The following SLC28A1 variants were observed in gnomAD, a reference collection of about 807,000 sequenced individuals.
The protein encoded by SLC28A1 is sodium/nucleoside cotransporter 1.
SLC28A1 carries 64 observed loss-of-function variants against 74.8 expected under a neutral mutation model. That is an observed-to-expected ratio of 0.86 (90% CI 0.70 to 1.05). The LOEUF (loss-of-function observed/expected upper bound fraction) is 1.05. Ranked by LOEUF, SLC28A1 falls within the 50% of genes least tolerant of loss-of-function variation. The pLI is 0.00. For synonymous variants in SLC28A1, 359 were observed against 335.0 expected, an observed-to-expected ratio of 1.07 and a Z score of -0.78; for missense variants, 828 against 822.8, an observed-to-expected ratio of 1.01 and a Z score of -0.08.
chr15:84,973,392 G>A, the SLC28A1 span, among the ~76,000 whole-genome samples: 69 of 152,176 alleles, frequency 4.5e-4, no homozygotes, highest in Admixed American at 1.2e-3. Flanking sequence ...GTCTCTATCC[G>A]GGGCTCAACC....
downstream of SLC28A1, among the ~76,000 whole-genome samples, chr15:84,946,110 A>ATTTTTTTTTT (rs1382844934): frequency 5.2e-4 from 5 of 9,594 alleles, no homozygotes; most frequent in African/African-American, 1.2e-3. Flanking sequence ...ATATATATAT[A>ATTTTTTTTTT]TATTTTTTTT....
the SLC28A1 span, among the ~76,000 whole-genome samples, chr15:84,956,472 T>TTTCTTTCTTTCTTTCC: frequency 1.1e-3 from 82 of 77,704 alleles, no homozygotes; most frequent in Admixed American, 2.6e-3. Context: ...TCTTTCCTTC[T>TTTCTTTCTTTCTTTCC]TTCTTTCTTT....
chr15:84,937,073 G>A (rs1175781901), intron 15 of SLC28A1, among the ~76,000 whole-genome samples: 1 of 150,034 alleles, frequency 6.7e-6, no homozygotes, highest in Non-Finnish European at 1.5e-5. Flanking sequence ...AAAAGGGAAA[G>A]CAAGAGAGAG....
At chr15:84,955,323 G>T in the SLC28A1 span, among the ~76,000 whole-genome samples, 1 of 152,126 alleles carries the variant, frequency 6.6e-6, no homozygotes, top group Admixed American at 6.5e-5. Flanking sequence ...AACGGGTTTG[G>T]GATGTTTATT....
At chr15:84,943,241 AG>A (rs1255827914) in intron 15 of SLC28A1, among the ~76,000 whole-genome samples, 11 of 152,076 alleles carry the variant, frequency 7.2e-5, no homozygotes, top group Non-Finnish European at 1.0e-4. Flanking sequence ...CAGATAAGAG[AG>A]GGGGGCTATG....
intron 12 of SLC28A1, among the ~76,000 whole-genome samples, chr15:84,927,602 A>C (rs1477175465): frequency 6.6e-6 from 1 of 152,148 alleles, no homozygotes; most frequent in Non-Finnish European, 1.5e-5. Context: ...CTTTATTGCC[A>C]CTTTTTACCC....
intron 9 of SLC28A1, among the ~76,000 whole-genome samples, chr15:84,912,413 C>T (rs1036926320): frequency 2.0e-5 from 3 of 152,178 alleles, no homozygotes; most frequent in African/African-American, 7.2e-5. Context: ...CAGCTGCTCT[C>T]TTCTGGGGGG....
intron 9 of SLC28A1, among the ~76,000 whole-genome samples, chr15:84,910,695 T>C (rs954663612): frequency 3.9e-5 from 6 of 152,116 alleles, no homozygotes; most frequent in African/African-American, 1.2e-4. Context: ...GCCATTGCAC[T>C]CCAGCCTGGG....
the SLC28A1 span, among the ~76,000 whole-genome samples, chr15:84,968,858 C>T: frequency 6.6e-6 from 1 of 152,178 alleles, no homozygotes; most frequent in Non-Finnish European, 1.5e-5. Context: ...GTGTGACTTA[C>T]AACCAAAGCC....
Position 84,921,070 on chromosome 15 carries a change from G to C in SLC28A1, c.957+1G>C. On this transcript the variant is annotated splice_donor_variant, in intron 11 of 18. Coordinates refer to ENST00000394573, the MANE Select transcript of SLC28A1 (RefSeq NM_004213.5). LOFTEE classifies it high-confidence loss of function. ...GGCTGGAAACATCTTTGTGAGCCAG[G>C]TGGGTATGGAAGCCTCCTACCCTCA... The C allele has an allele frequency of 1.2e-6, 2 of 1,612,764 alleles. No homozygotes were observed. The highest frequency in any genetic ancestry group is 1.7e-6 in the Non-Finnish European group (2 of 1,178,766).
At chr15:84,886,076 T>C (rs1964566585) in intron 1 of SLC28A1, 3 of 909,892 alleles carry the variant, frequency 3.3e-6, no homozygotes, top group South Asian at 1.0e-4. Flanking sequence ...TAATGTTTAG[T>C]GTGAGGACTG....
At chr15:84,892,360 A>G (rs150440171) in intron 5 of SLC28A1, among the ~76,000 whole-genome samples, 16 of 152,236 alleles carry the variant, frequency 1.1e-4, no homozygotes, top group Non-Finnish European at 2.4e-4. Flanking sequence ...GGGTGGGTCC[A>G]TGTCCCTCAC....
downstream of SLC28A1, among the ~76,000 whole-genome samples, chr15:84,949,069 T>C (rs528433234): frequency 6.6e-6 from 1 of 152,344 alleles, no homozygotes; most frequent in South Asian, 2.1e-4. Flanking sequence ...CTTTTCCACA[T>C]GACAATCCAT....
At chr15:84,895,160 G>A (rs1291661621) in intron 6 of SLC28A1, 37 bp downstream of exon 6, 9 of 1,610,834 alleles carry the variant, frequency 5.6e-6, no homozygotes, top group African/African-American at 4.0e-5. Context: ...GGGCAGGGGA[G>A]GGCCCATGAG....
chr15:84,912,606 C>T (rs973573156), intron 9 of SLC28A1, among the ~76,000 whole-genome samples: 9 of 152,110 alleles, frequency 5.9e-5, no homozygotes, highest in East Asian at 1.9e-4. Context: ...CTGGCTGACC[C>T]GGGAGCAGAC....
At chr15:84,955,973 A>G in the SLC28A1 span, among the ~76,000 whole-genome samples, 16 of 152,106 alleles carry the variant, frequency 1.1e-4, no homozygotes, top group Admixed American at 5.2e-4. Flanking sequence ...CCTTCCATTC[A>G]AATCAAAGTA....
chr15:84,940,749 A>T, intron 15 of SLC28A1: 1 of 180,208 alleles, frequency 5.5e-6, no homozygotes, highest in Admixed American at 5.3e-5. Context: ...CATCTCTCCT[A>T]CTTTCTTTGC....
intron 6 of SLC28A1, among the ~76,000 whole-genome samples, chr15:84,897,332 G>A (rs1048620144): frequency 6.6e-6 from 1 of 151,926 alleles, no homozygotes; most frequent in African/African-American, 2.4e-5. Flanking sequence ...GTTGCAGTGA[G>A]CCAACATTGC....
chr15:84,895,830 G>A (rs1487981248), intron 6 of SLC28A1: 1 of 1,087,046 alleles, frequency 9.2e-7, no homozygotes, highest in Admixed American at 4.7e-5. Context: ...CTATTTTGTT[G>A]ATGAAGAAGC....
Sources: allele counts gnomAD v4.1 joint callset (sites outside exome capture counted in the v4.1 genomes callset), GRCh38; gene constraint gnomAD v4.1.1; transcripts MANE v1.5; gene names NCBI Gene and HGNC (gene_info 2026-07-23, HGNC 2026-07-21).